ABCB1: variants seen among roughly 807,000 people sequenced by gnomAD.
The protein encoded by ABCB1 is ATP binding cassette subfamily B member 1, also known as ATP-dependent translocase ABCB1.
ABCB1 carries 69 observed loss-of-function variants against 142.0 expected under a neutral mutation model. The ratio of observed to expected loss-of-function variants is 0.49; its 90% CI spans 0.40 to 0.59. The LOEUF (loss-of-function observed/expected upper bound fraction) is 0.59. Ranked by LOEUF, ABCB1 falls within the 20% of genes least tolerant of loss-of-function variation. The probability of loss-of-function intolerance (pLI) is 0.00; values close to 1 mark genes in which losing one functional copy is unlikely to be tolerated. For synonymous variants in ABCB1, 532 were observed against 539.2 expected (o/e 0.99, Z 0.18); for missense variants, 1,326 against 1,554.7 (o/e 0.85, Z 2.47).
chr7:87,639,046 G>A (rs1395976864), intron 1 of ABCB1, among the ~76,000 whole-genome samples: 5 of 151,692 alleles, frequency 3.3e-5, no homozygotes, highest in Admixed American at 1.3e-4. Flanking sequence ...CAGCTACTCC[G>A]GAGGCTGAGG....
chr7:87,511,614 T>C (rs945148698), intron 25 of ABCB1, among the ~76,000 whole-genome samples: 2 of 152,368 alleles, frequency 1.3e-5, no homozygotes. Context: ...GTGATGTTAA[T>C]TCCCATTTTA....
intron 21 of ABCB1, among the ~76,000 whole-genome samples, chr7:87,524,836 T>C (rs16885829): frequency 0.022 from 3,298 of 152,220 alleles, 130 homozygotes; most frequent in African/African-American, 0.075. Context: ...TCTAGATTAG[T>C]AAGAAAATTC....
intron 1 of ABCB1, among the ~76,000 whole-genome samples, chr7:87,620,098 C>T (rs1311585454): frequency 6.6e-6 from 1 of 152,098 alleles, no homozygotes; most frequent in Non-Finnish European, 1.5e-5. Context: ...TTTTTCTTGA[C>T]ATCATAGCTG....
chr7:87,604,801 G>T (rs1460079063), upstream of ABCB1, among the ~76,000 whole-genome samples: 1 of 152,096 alleles, frequency 6.6e-6, no homozygotes, highest in Non-Finnish European at 1.5e-5. Context: ...ATAAGTCGAT[G>T]GCAAATGGAA....
chr7:87,561,492 G>A, intron 7 of ABCB1, 105 bp from the exon 8 acceptor site: 2 of 1,142,936 alleles, frequency 1.7e-6, no homozygotes, highest in Non-Finnish European at 2.5e-6. Context: ...ATTAATGCAT[G>A]TGTAGAGCAA....
intron 17 of ABCB1, among the ~76,000 whole-genome samples, chr7:87,542,385 G>A (rs1816580909): frequency 6.6e-6 from 1 of 152,166 alleles, no homozygotes; most frequent in Non-Finnish European, 1.5e-5. Flanking sequence ...GTTTTACACA[G>A]ATAGAAACTG....
intron 5 of ABCB1, among the ~76,000 whole-genome samples, chr7:87,569,307 T>TG (rs1433209741): frequency 1.5e-5 from 2 of 135,874 alleles, no homozygotes; most frequent in Non-Finnish European, 3.1e-5. Context: ...CACTCCAGCC[T>TG]GGGGGACAGA....
At chr7:87,570,315 A>G in intron 4 of ABCB1, 92 bp from the exon 5 acceptor site, 1 of 1,232,100 alleles carries the variant, frequency 8.1e-7, no homozygotes, top group Non-Finnish European at 1.2e-6. Context: ...ATTTCATTTA[A>G]TGATTTACAT....
intron 14 of ABCB1, among the ~76,000 whole-genome samples, chr7:87,547,938 G>C (rs1316148886): frequency 1.3e-5 from 2 of 150,676 alleles, no homozygotes; most frequent in Non-Finnish European, 3.0e-5. Flanking sequence ...AGGATCACTT[G>C]AGACTGGGCA....
chr7:87,583,024 A>G (rs1484713551), intron 4 of ABCB1, among the ~76,000 whole-genome samples: 1 of 152,222 alleles, frequency 6.6e-6, no homozygotes, highest in East Asian at 1.9e-4. Flanking sequence ...GTATGTCCCA[A>G]ACTTTCAACA....
chr7:87,622,706 C>G (rs1820267546), intron 1 of ABCB1, among the ~76,000 whole-genome samples: 1 of 151,970 alleles, frequency 6.6e-6, no homozygotes, highest in African/African-American at 2.4e-5. Flanking sequence ...GAGTTACTTT[C>G]TCAAAAAGGC....
At chr7:87,549,601 C>T in intron 13 of ABCB1, 83 bp from the exon 14 acceptor site, 2 of 1,590,192 alleles carry the variant, frequency 1.3e-6, no homozygotes, top group Non-Finnish European at 8.6e-7. Context: ...ATCCTATACA[C>T]AGCCCAAGTC....
intron 1 of ABCB1, among the ~76,000 whole-genome samples, chr7:87,689,108 G>T (rs375405876): frequency 6.6e-6 from 1 of 151,894 alleles, no homozygotes; most frequent in Non-Finnish European, 1.5e-5. Flanking sequence ...GGGGAAGGGG[G>T]ATTATCACAA....
chr7:87,541,838 TG>T (rs1258628842), intron 17 of ABCB1, among the ~76,000 whole-genome samples: 1 of 152,192 alleles, frequency 6.6e-6, no homozygotes, highest in East Asian at 1.9e-4. Context: ...CCAAGGTGTC[TG>T]GGGAAAACCT....
At position 87,518,980 on chromosome 7, in the gene ABCB1, A is replaced by G. The variant is rs1334959490; in HGVS notation, c.2927+346T>C. The stretch of plus-strand genomic sequence containing the variant: ...CACATCTGTATTTTACTTGCTCTGT[A>G]AGAAAGTCCTTTAAAAGGAGCCAGT... On this transcript the variant is annotated intron_variant, in intron 23 of 27. Coordinates refer to ENST00000622132, the MANE Select transcript of ABCB1 (RefSeq NM_001348946.2). 9.6e-6 allele frequency: 3 copies of G among 310,890 alleles called. No individual in the cohort carries two copies. In the East Asian group the frequency reaches 2.1e-4, roughly 22 times the overall value. 19.3% of individuals were successfully genotyped at this position (310,890 alleles called of 1,614,324 possible). A position where few individuals can be genotyped will look rare whatever the true frequency, so the allele number is the denominator to read the frequency against.
At chr7:87,582,611 A>C (rs1162716610) in intron 4 of ABCB1, among the ~76,000 whole-genome samples, 1 of 152,234 alleles carries the variant, frequency 6.6e-6, no homozygotes, top group East Asian at 1.9e-4. Context: ...AGGGCCAGAT[A>C]GTAAATATCT....
At chr7:87,586,563 G>A (rs539341456) in intron 3 of ABCB1, among the ~76,000 whole-genome samples, 1 of 152,260 alleles carries the variant, frequency 6.6e-6, no homozygotes, top group South Asian at 2.1e-4. Flanking sequence ...TGTAGCTGTA[G>A]GCAACAGGTT....
chr7:87,694,759 G>GA (rs563026896), intron 1 of ABCB1, among the ~76,000 whole-genome samples: 1,565 of 152,126 alleles, frequency 0.01, 30 homozygotes, highest in African/African-American at 0.036. Context: ...TGGTGGAAGG[G>GA]AAAAAACAAA....
At chr7:87,632,439 C>T (rs1189084619) in intron 1 of ABCB1, among the ~76,000 whole-genome samples, 1 of 152,138 alleles carries the variant, frequency 6.6e-6, no homozygotes, top group Non-Finnish European at 1.5e-5. Context: ...AAAACATTTG[C>T]ATAGTCCTTA....
Sources: allele counts gnomAD v4.1 joint callset (sites outside exome capture counted in the v4.1 genomes callset), GRCh38; gene constraint gnomAD v4.1.1; transcripts MANE v1.5; gene names NCBI Gene and HGNC (gene_info 2026-07-23, HGNC 2026-07-21).